The following PIBF1 variants were observed in gnomAD, a reference collection of about 807,000 sequenced individuals.
PIBF1 encodes the protein progesterone-induced-blocking factor 1.
A neutral mutation model predicts 112.5 loss-of-function variants in PIBF1; 90 were observed. The ratio of observed to expected loss-of-function variants is 0.80; its 90% CI spans 0.67 to 0.95. The LOEUF is 0.95. Ranked by LOEUF, PIBF1 falls within the 40% of genes least tolerant of loss-of-function variation. The pLI, the probability that PIBF1 is intolerant of heterozygous loss-of-function variation, is 0.00. For synonymous variants in PIBF1, 301 were observed against 288.6 expected (o/e 1.04, Z -0.44); for missense variants, 915 against 852.3 (o/e 1.07, Z -0.92).
At chr13:72,893,975 C>G in intron 11 of PIBF1, 26 bp downstream of exon 11, 1 of 1,272,790 alleles carries the variant, frequency 7.9e-7, no homozygotes, top group Non-Finnish European at 1.0e-6. Flanking sequence ...TTTCTTTCAA[C>G]ATTAGCATGG....
At chr13:72,835,895 C>T (rs566754085) in intron 9 of PIBF1, among the ~76,000 whole-genome samples, 25 of 151,928 alleles carry the variant, frequency 1.6e-4, no homozygotes, top group African/African-American at 5.5e-4. Flanking sequence ...GTCAGGAGAT[C>T]GAGACTATCC....
At chr13:72,891,341 T>C (rs993634563) in intron 10 of PIBF1, among the ~76,000 whole-genome samples, 2 of 152,154 alleles carry the variant, frequency 1.3e-5, no homozygotes, top group East Asian at 3.9e-4. Flanking sequence ...ATCCAGAATT[T>C]ATTTCATAAT....
At chr13:72,782,770 C>A (rs973620640) in intron 1 of PIBF1, among the ~76,000 whole-genome samples, 12 of 151,630 alleles carry the variant, frequency 7.9e-5, no homozygotes, top group African/African-American at 2.9e-4. Context: ...TGTTTTTGTC[C>A]CCGTTTTCCC....
chr13:73,002,626 A>T (rs1050059129), intron 17 of PIBF1, among the ~76,000 whole-genome samples: 1 of 152,124 alleles, frequency 6.6e-6, no homozygotes, highest in Non-Finnish European at 1.5e-5. Context: ...TCAATACCTT[A>T]TTAAAAATGC....
chr13:73,010,805 CTTTTCTTTTTTTTTTT>C (rs2044173645), intron 17 of PIBF1, among the ~76,000 whole-genome samples: 1 of 52,594 alleles, frequency 1.9e-5, no homozygotes, highest in Admixed American at 2.0e-4. Flanking sequence ...AAATCATTAA[CTTTTCTTTTTTTTTTT>C]TTTTTTTTTT....
intron 16 of PIBF1, among the ~76,000 whole-genome samples, chr13:72,990,674 C>T (rs1042552800): frequency 6.6e-6 from 1 of 151,890 alleles, no homozygotes; most frequent in Non-Finnish European, 1.5e-5. Flanking sequence ...TTGGTGAAAC[C>T]CCATCTCTAC....
At chr13:72,797,402 T>A (rs967279932) in intron 4 of PIBF1, among the ~76,000 whole-genome samples, 4 of 152,130 alleles carry the variant, frequency 2.6e-5, no homozygotes, top group African/African-American at 9.7e-5. Flanking sequence ...TTGTCAAAGG[T>A]GCTACAGAGA....
Position 73,016,030 on chromosome 13 carries a change from T to C in PIBF1, c.*111T>C, listed in dbSNP as rs1193800572. On this transcript the variant is annotated 3_prime_UTR_variant, in exon 18 of 18. Coordinates refer to ENST00000326291, the MANE Select transcript of PIBF1 (RefSeq NM_006346.4). ...ACTCAGCATTTTTTAAATAACAATG[T>C]TTATTTGAACTAATATTAAATTAAC... The C allele has an allele frequency of 2.3e-6, 1 of 439,916 alleles. No individual in the cohort carries two copies. Among genetic ancestry groups the C allele is most frequent in the Non-Finnish European group, 4.0e-6 (1 of 251,694 alleles). The allele number at this position is 439,916 out of a possible 1,614,324, so 27.3% of individuals were successfully genotyped here. A position where few individuals can be genotyped will look rare whatever the true frequency, so the allele number is the denominator to read the frequency against.
At chr13:73,005,069 C>G (rs1430446014) in intron 17 of PIBF1, among the ~76,000 whole-genome samples, 1 of 151,750 alleles carries the variant, frequency 6.6e-6, no homozygotes, top group Non-Finnish European at 1.5e-5. Context: ...CCTGTAATCC[C>G]GAGGCTGAGG....
intron 11 of PIBF1, among the ~76,000 whole-genome samples, chr13:72,895,005 TC>T (rs1027349196): frequency 1.4e-5 from 2 of 148,036 alleles, no homozygotes; most frequent in Admixed American, 1.4e-4. Flanking sequence ...GCACCTGTAG[TC>T]CCAGCTACTT....
intron 12 of PIBF1, among the ~76,000 whole-genome samples, chr13:72,914,873 C>T (rs2041027784): frequency 6.6e-6 from 1 of 152,190 alleles, no homozygotes; most frequent in South Asian, 2.1e-4. Context: ...AGCCACCATG[C>T]ACAGCTGAAA....
intron 14 of PIBF1, among the ~76,000 whole-genome samples, chr13:72,945,019 A>G (rs991756516): frequency 2.0e-5 from 3 of 152,208 alleles, no homozygotes; most frequent in Admixed American, 2.0e-4. Flanking sequence ...CATCATACCC[A>G]ATAGTTTTTC....
At chr13:72,886,689 A>G (rs2138528349) in intron 10 of PIBF1, among the ~76,000 whole-genome samples, 1 of 152,174 alleles carries the variant, frequency 6.6e-6, no homozygotes, top group African/African-American at 2.4e-5. Context: ...CTCCAAATAC[A>G]TGCTTGAAAT....
At chr13:72,985,828 A>G (rs1430676522) in intron 16 of PIBF1, among the ~76,000 whole-genome samples, 5 of 152,088 alleles carry the variant, frequency 3.3e-5, no homozygotes, top group Non-Finnish European at 7.4e-5. Context: ...AAGAATATGC[A>G]ACAAAACCCA....
chr13:72,908,628 T>C lies in PIBF1; in HGVS notation c.1586T>C (p.Ile529Thr), dbSNP rs202149681. 3.7e-6 allele frequency: 6 copies of C among 1,613,398 alleles called. No homozygotes were observed. The highest frequency in any genetic ancestry group is 5.1e-6 in the Non-Finnish European group (6 of 1,179,510). ...QNSEHQARLD[I>T]YEKLEKELDE... is the part of the protein sequence containing the mutation. ...TCAGAGCATCAAGCAAGGCTAGACA[T>C]TTATGAGAAACTGGAAAAAGAGCTT... Residue 529 changes from isoleucine to threonine, a missense_variant, in exon 12 of 18, where the codon ATT becomes ACT. Physicochemically the swap from Ile to Thr is moderately conservative, Grantham distance 89. Transcript: ENST00000326291.
intron 2 of PIBF1, among the ~76,000 whole-genome samples, chr13:72,784,294 AAAT>A (rs1281859141): frequency 4.6e-4 from 69 of 151,146 alleles, no homozygotes; most frequent in African/African-American, 1.5e-3. Flanking sequence ...AAAAAAAAAA[AAAT>A]TAGCCAGCCA....
chr13:72,936,530 G>A (rs1162616440), intron 14 of PIBF1, among the ~76,000 whole-genome samples: 1 of 152,136 alleles, frequency 6.6e-6, no homozygotes, highest in Non-Finnish European at 1.5e-5. Flanking sequence ...TATACTGAGT[G>A]GAAGATATAG....
At chr13:72,797,850 A>T (rs1447901305) in intron 4 of PIBF1, 57 bp from the exon 5 acceptor site, 4 of 1,399,788 alleles carry the variant, frequency 2.9e-6, no homozygotes, top group Non-Finnish European at 3.9e-6. Flanking sequence ...ACTACAAATT[A>T]CAAATTTTAA....
chr13:72,994,798 C>A (rs993098533), intron 16 of PIBF1, among the ~76,000 whole-genome samples: 3 of 152,188 alleles, frequency 2.0e-5, no homozygotes, highest in African/African-American at 4.8e-5. Flanking sequence ...CAAAGGATTT[C>A]TCTTCGTAGT....
Sources: gnomAD v4.1 joint callset for allele counts (sites outside exome capture counted in the v4.1 genomes callset) on GRCh38, gnomAD v4.1.1 for gene constraint, MANE v1.5 for transcripts, NCBI Gene and HGNC (gene_info 2026-07-23, HGNC 2026-07-21) for gene names.